The following ARHGEF26 variants were observed in gnomAD, a reference collection of about 807,000 sequenced individuals.
ARHGEF26 encodes the protein Rho guanine nucleotide exchange factor 26.
In ARHGEF26, 59 loss-of-function variants were observed where a neutral mutation model predicts 89.4. The ratio of observed to expected loss-of-function variants is 0.66; its 90% CI spans 0.54 to 0.82. The LOEUF is 0.82. Ranked by LOEUF, ARHGEF26 falls within the 40% of genes least tolerant of loss-of-function variation. ARHGEF26 has a pLI of 0.00. For synonymous variants in ARHGEF26, 500 were observed against 428.4 expected, an observed-to-expected ratio of 1.17 and a Z score of -2.06; for missense variants, 1,234 against 1,085.6, an observed-to-expected ratio of 1.14 and a Z score of -1.92.
chr3:154,124,194 T>C (rs115163601), intron 2 of ARHGEF26, among the ~76,000 whole-genome samples: 1,559 of 152,256 alleles, frequency 0.01, 11 homozygotes, highest in Non-Finnish European at 0.017. Flanking sequence ...GTGTGGGGGA[T>C]CTTGTACATT....
At chr3:154,128,692 AC>A (rs1417587634) in intron 3 of ARHGEF26, among the ~76,000 whole-genome samples, 1 of 152,002 alleles carries the variant, frequency 6.6e-6, no homozygotes, top group Non-Finnish European at 1.5e-5. Context: ...CTGTTTGGGC[AC>A]TAGTTCTTCA....
intron 12 of ARHGEF26, among the ~76,000 whole-genome samples, chr3:154,242,984 G>A (rs1246832557): frequency 2.6e-5 from 4 of 152,254 alleles, no homozygotes; most frequent in East Asian, 3.9e-4. Context: ...TTGGGTGGGC[G>A]TGTGCTTGCT....
intron 13 of ARHGEF26, among the ~76,000 whole-genome samples, chr3:154,253,968 C>T (rs562631937): frequency 2.6e-5 from 4 of 152,130 alleles, no homozygotes; most frequent in East Asian, 1.9e-4. Flanking sequence ...GATGGAGTCT[C>T]GCTCTGGTGC....
At chr3:154,175,474 G>GATGT (rs1712756176) in intron 6 of ARHGEF26, among the ~76,000 whole-genome samples, 2 of 152,132 alleles carry the variant, frequency 1.3e-5, no homozygotes, top group Admixed American at 1.3e-4. Flanking sequence ...AAACCCTGGA[G>GATGT]ATGTGTAAAA....
intron 12 of ARHGEF26, among the ~76,000 whole-genome samples, chr3:154,242,581 A>G (rs1717536728): frequency 6.6e-6 from 1 of 152,218 alleles, no homozygotes; most frequent in Non-Finnish European, 1.5e-5. Context: ...AATGACAACA[A>G]AGGATTTAGA....
intron 3 of ARHGEF26, 113 bp from the exon 4 acceptor site, chr3:154,129,461 C>T: frequency 3.5e-6 from 4 of 1,158,902 alleles, no homozygotes; most frequent in South Asian, 1.7e-5. Context: ...ATCTGTTTGT[C>T]TCTCTGTTTA....
At chr3:154,242,965 G>A (rs1559923410) in intron 12 of ARHGEF26, among the ~76,000 whole-genome samples, 1 of 152,188 alleles carries the variant, frequency 6.6e-6, no homozygotes, top group Non-Finnish European at 1.5e-5. Flanking sequence ...CGGCTGTGGG[G>A]AGGTGAGCTT....
Position 154,136,291 on chromosome 3 carries a change from A to AATTTTAATTAAAATATTTTAACTAAAGT in ARHGEF26, c.1269+6585_1269+6612dup, listed in dbSNP as rs1473231386. The stretch of plus-strand genomic sequence containing the variant: ...TAAAGTATTTTAAGTAAAGTATTTT[A>AATTTTAATTAAAATATTTTAACTAAAGT]ATTTTAATTAAAATATTTTAACTAA... On this transcript the variant is annotated intron_variant, in intron 4 of 14. Coordinates refer to ENST00000465093, the MANE Select transcript of ARHGEF26 (RefSeq NM_015595.4). Among the ~76,000 whole-genome samples the AATTTTAATTAAAATATTTTAACTAAAGT allele has an allele frequency of 6.6e-5, 10 of 151,652 alleles. 1 individual carries two copies. In the East Asian group the frequency reaches 1.9e-3, roughly 29 times the overall value.
chr3:154,221,511 AAC>A (rs1407911446), intron 10 of ARHGEF26, among the ~76,000 whole-genome samples: 2 of 152,236 alleles, frequency 1.3e-5, no homozygotes, highest in South Asian at 2.1e-4. Context: ...TATAAAATTA[AAC>A]ACACACTGAG....
chr3:154,130,181 C>T (rs1401855737), intron 4 of ARHGEF26, among the ~76,000 whole-genome samples: 1 of 103,504 alleles, frequency 9.7e-6, no homozygotes, highest in East Asian at 3.7e-4. Flanking sequence ...AGGTCTTGCT[C>T]TGTCGCCCAG....
At chr3:154,232,734 A>G (rs1168915865) in intron 11 of ARHGEF26, among the ~76,000 whole-genome samples, 1 of 152,204 alleles carries the variant, frequency 6.6e-6, no homozygotes, top group African/African-American at 2.4e-5. Flanking sequence ...CAATCCAGTC[A>G]AGTTGGTACT....
intron 9 of ARHGEF26, among the ~76,000 whole-genome samples, chr3:154,216,623 C>T (rs1263382440): frequency 4.5e-5 from 6 of 133,668 alleles, no homozygotes; most frequent in East Asian, 2.2e-4. Context: ...CATGCTGGTA[C>T]GCTGCACCCA....
chr3:154,126,157 A>G (rs541390976), intron 3 of ARHGEF26, among the ~76,000 whole-genome samples: 5 of 152,336 alleles, frequency 3.3e-5, no homozygotes, highest in African/African-American at 1.2e-4. Flanking sequence ...TTTACATAGC[A>G]TGACAATCAG....
In ARHGEF26 at chr3:154,256,039, T is replaced by C; in HGVS notation, c.*566T>C. ...TAAACCTCTTCCCAGGAAGGGGACA[T>C]TGACACTTGAATTTTTGTCACCTTT... On this transcript the variant is annotated 3_prime_UTR_variant, in exon 15 of 15. Transcript: ENST00000465093. The C allele has an allele frequency of 7.1e-6, 7 of 985,780 alleles. No individual in the cohort carries two copies. Among genetic ancestry groups the C allele is most frequent in the Non-Finnish European group, 8.4e-6 (7 of 829,872 alleles). 61.1% of individuals were successfully genotyped at this position (985,780 alleles called of 1,614,324 possible).
At chr3:154,142,404 GAT>G (rs1261903150) in intron 4 of ARHGEF26, among the ~76,000 whole-genome samples, 2 of 152,118 alleles carry the variant, frequency 1.3e-5, no homozygotes, top group Non-Finnish European at 2.9e-5. Flanking sequence ...GAAGAAGAAA[GAT>G]AGGACTTCTG....
Position 154,254,813 on chromosome 3 carries a change from G to C in ARHGEF26, c.2462G>C (p.Arg821Pro). 1.2e-6 allele frequency: 2 copies of C among 1,613,588 alleles called. No individual in the cohort carries two copies. Among genetic ancestry groups the C allele is most frequent in the Non-Finnish European group, 1.7e-6 (2 of 1,179,746 alleles). The change falls in exon 14 of 15, where the codon CGT becomes CCT. Residue 821 changes from arginine (R) to proline (P), a missense_variant. Arg to Pro is a moderately radical substitution (Grantham distance 103). Transcript: ENST00000465093. ...QVADVVLIYQ[R>P]VSDGWYEGER... ...GCTGACGTCGTCCTCATCTATCAAC[G>C]TGTCAGCGATGGTGAGTGGGAGCGT...
intron 12 of ARHGEF26, among the ~76,000 whole-genome samples, chr3:154,249,220 T>G (rs1306987620): frequency 3.3e-5 from 5 of 152,214 alleles, no homozygotes; most frequent in Admixed American, 1.3e-4. Flanking sequence ...TGCAGCCCTG[T>G]CTCTGTGATT....
intron 6 of ARHGEF26, among the ~76,000 whole-genome samples, chr3:154,178,210 C>CAATA (rs1268014322): frequency 2.0e-5 from 3 of 152,014 alleles, no homozygotes; most frequent in Non-Finnish European, 2.9e-5. Flanking sequence ...TCTTAAAAAA[C>CAATA]AATAAATAAA....
At chr3:154,211,541 T>A (rs1012787386) in intron 9 of ARHGEF26, among the ~76,000 whole-genome samples, 1 of 152,066 alleles carries the variant, frequency 6.6e-6, no homozygotes, top group Non-Finnish European at 1.5e-5. Flanking sequence ...GCATCAGGGA[T>A]TCAAGACTGT....
Sources: gnomAD v4.1 joint callset for allele counts (sites outside exome capture counted in the v4.1 genomes callset) on GRCh38, gnomAD v4.1.1 for gene constraint, MANE v1.5 for transcripts, NCBI Gene and HGNC (gene_info 2026-07-23, HGNC 2026-07-21) for gene names.